Variants in MALRD1 observed in about 807,000 individuals in gnomAD.
The protein encoded by MALRD1 is MAM and LDL-receptor class A domain-containing protein 1.
Under a neutral mutation model 242.1 loss-of-function variants are expected in MALRD1, and 247 were observed. The ratio of observed to expected loss-of-function variants is 1.02; its 90% CI spans 0.92 to 1.13. The LOEUF (loss-of-function observed/expected upper bound fraction) is 1.13, where lower values mean the gene tolerates loss of function less well. MALRD1 is among the 50% of genes most tolerant of loss of function. The pLI, the probability that MALRD1 is intolerant of heterozygous loss-of-function variation, is 0.00. For synonymous variants in MALRD1, 995 were observed against 866.6 expected (o/e 1.15, Z -2.60); for missense variants, 2,989 against 2,533.1 (o/e 1.18, Z -3.86).
At chr10:19,440,975 T>A (rs1157888072) in intron 28 of MALRD1, among the ~76,000 whole-genome samples, 1 of 151,854 alleles carries the variant, frequency 6.6e-6, no homozygotes, top group Non-Finnish European at 1.5e-5. Flanking sequence ...GTAAAAGTGT[T>A]CCTTTTTCTC....
At chr10:19,553,822 A>T (rs557066251) in intron 32 of MALRD1, among the ~76,000 whole-genome samples, 2 of 152,194 alleles carry the variant, frequency 1.3e-5, no homozygotes, top group Non-Finnish European at 2.9e-5. Flanking sequence ...ACTGATGGTG[A>T]GTAACATAGG....
chr10:19,719,155 T>C (rs904297511), intron 38 of MALRD1, among the ~76,000 whole-genome samples: 2 of 91,500 alleles, frequency 2.2e-5, no homozygotes, highest in Non-Finnish European at 3.9e-5. Context: ...CTGTCCAAAT[T>C]ATATATATAT....
intron 21 of MALRD1, among the ~76,000 whole-genome samples, chr10:19,304,773 CTT>C (rs1352843126): frequency 3.3e-5 from 5 of 151,818 alleles, no homozygotes; most frequent in African/African-American, 1.2e-4. Context: ...CATAAATAAA[CTT>C]TTCTTTATTT....
At position 19,375,651 on chromosome 10, in the gene MALRD1, T is replaced by C. The variant is rs191352689; in HGVS notation, c.4442-11877T>C. On this transcript the variant is annotated intron_variant, in intron 26 of 39. Transcript: ENST00000454679. ...ATACATAACTGGTTGAGAACCATTG[T>C]TATAAGATGTGAGAGTAATTGGTTC... is the stretch of plus-strand genomic sequence containing the variant. 2.0e-5 allele frequency among the ~76,000 whole-genome samples: 3 copies of C among 152,290 alleles called. No homozygotes were observed. The East Asian group carries it at 5.8e-4, about 29-fold the overall frequency.
chr10:19,064,233 T>A (rs1386733332), intron 1 of MALRD1, among the ~76,000 whole-genome samples: 1 of 152,208 alleles, frequency 6.6e-6, no homozygotes, highest in East Asian at 1.9e-4. Flanking sequence ...ATAGCACTCC[T>A]AATTGTTCAT....
Position 19,204,897 on chromosome 10 carries a change from G to A in MALRD1, c.2211-1G>A. The A allele has an allele frequency of 6.5e-7, 1 of 1,533,158 alleles. No homozygotes were observed. Among genetic ancestry groups the A allele is most frequent in the South Asian group, 1.2e-5 (1 of 82,224 alleles). 95.0% of individuals were successfully genotyped at this position (1,533,158 alleles called of 1,614,324 possible). A position where few individuals can be genotyped will look rare whatever the true frequency, so the allele number is the denominator to read the frequency against. ...CATTTCTTACGTTTACTCTTTTTTA[G>A]GTTCTATAACTATGGCCTGTCAGTG... On this transcript the variant is annotated splice_acceptor_variant, in intron 16 of 39. Transcript: ENST00000454679. LOFTEE classifies it high-confidence loss of function.
At chr10:19,650,401 T>C (rs1197318951) in intron 36 of MALRD1, among the ~76,000 whole-genome samples, 2 of 152,138 alleles carry the variant, frequency 1.3e-5, no homozygotes, top group Non-Finnish European at 2.9e-5. Flanking sequence ...TAATACAAAA[T>C]GGAAACGTGC....
intron 24 of MALRD1, among the ~76,000 whole-genome samples, chr10:19,338,655 A>G (rs916783588): frequency 6.6e-6 from 1 of 151,160 alleles, no homozygotes; most frequent in Non-Finnish European, 1.5e-5. Flanking sequence ...TATGGGGTAC[A>G]TGAGATGTTT....
chr10:19,648,937 G>C (rs1307208829), intron 36 of MALRD1, among the ~76,000 whole-genome samples: 2 of 152,020 alleles, frequency 1.3e-5, no homozygotes, highest in Non-Finnish European at 2.9e-5. Context: ...TTCCTTCTTT[G>C]GGTTCATAAG....
intron 34 of MALRD1, among the ~76,000 whole-genome samples, chr10:19,606,832 C>G (rs1404639911): frequency 6.6e-6 from 1 of 152,086 alleles, no homozygotes; most frequent in Non-Finnish European, 1.5e-5. Context: ...GAGAAGTTCC[C>G]ATTTAACTCT....
chr10:19,352,844 G>A (rs1577304), intron 26 of MALRD1, among the ~76,000 whole-genome samples: 114,431 of 151,954 alleles, frequency 0.75, 43,386 homozygotes, highest in African/African-American at 0.82. Flanking sequence ...CAGATGTTCA[G>A]TATAATTCCT....
chr10:19,528,508 G>A (rs1316913483), intron 31 of MALRD1, among the ~76,000 whole-genome samples: 1 of 152,122 alleles, frequency 6.6e-6, no homozygotes, highest in Non-Finnish European at 1.5e-5. Flanking sequence ...CAGGAGAACC[G>A]CTTGAACCCG....
chr10:19,254,475 A>G (rs1240523026), intron 18 of MALRD1, among the ~76,000 whole-genome samples: 1 of 152,022 alleles, frequency 6.6e-6, no homozygotes, highest in African/African-American at 2.4e-5. Flanking sequence ...AAATACCTAC[A>G]TGTGCATTGC....
intron 26 of MALRD1, among the ~76,000 whole-genome samples, chr10:19,355,480 G>A (rs1844581459): frequency 6.6e-6 from 1 of 151,370 alleles, no homozygotes; most frequent in South Asian, 2.1e-4. Context: ...GATAACTTGT[G>A]GGAATGTCTG....
chr10:19,050,024 T>G (rs2131192103), intron 1 of MALRD1, among the ~76,000 whole-genome samples: 1 of 152,110 alleles, frequency 6.6e-6, no homozygotes, highest in African/African-American at 2.4e-5. Flanking sequence ...TTGGTGCGGT[T>G]AATTATCCAG....
chr10:19,109,000 A>G (rs925256732), intron 5 of MALRD1, among the ~76,000 whole-genome samples: 2 of 152,126 alleles, frequency 1.3e-5, no homozygotes, highest in African/African-American at 2.4e-5. Context: ...GTTTTAGAGT[A>G]TTGGTTAGAT....
rs552031613 is a variant in MALRD1 at position 19,449,656 on chromosome 10, G to A, written c.4846-651G>A. 5.9e-5 allele frequency among the ~76,000 whole-genome samples: 9 copies of A among 152,140 alleles called. No individual in the cohort carries two copies. In the East Asian group the frequency reaches 7.7e-4, roughly 13 times the overall value. On this transcript the variant is annotated intron_variant, in intron 28 of 39. Coordinates refer to ENST00000454679, the MANE Select transcript of MALRD1 (RefSeq NM_001142308.3). The stretch of plus-strand genomic sequence containing the variant: ...CAATTTGGGGCATATATACAGACCC[G>A]GTGGTCTTCAGTATATCTGAAGAAC...
chr10:19,698,836 A>G (rs567782369), intron 38 of MALRD1, among the ~76,000 whole-genome samples: 2 of 152,280 alleles, frequency 1.3e-5, no homozygotes, highest in South Asian at 4.1e-4. Context: ...TCTTAAAAAG[A>G]CTGTGGTATG....
At chr10:19,640,000 C>T (rs1840311323) in intron 36 of MALRD1, among the ~76,000 whole-genome samples, 1 of 152,146 alleles carries the variant, frequency 6.6e-6, no homozygotes, top group Non-Finnish European at 1.5e-5. Context: ...CACTTTCTTT[C>T]CCCCCAATGC....
Sources: allele counts gnomAD v4.1 joint callset (sites outside exome capture counted in the v4.1 genomes callset), GRCh38; gene constraint gnomAD v4.1.1; transcripts MANE v1.5; gene names NCBI Gene and HGNC (gene_info 2026-07-23, HGNC 2026-07-21).